Variants in SUGCT observed in about 807,000 individuals in gnomAD.
SUGCT encodes succinyl-CoA:glutarate-CoA transferase.
In SUGCT, 41 loss-of-function variants were observed where a neutral mutation model predicts 55.0. The observed-to-expected ratio is 0.74, with a 90% confidence interval of 0.58 to 0.97. The LOEUF is 0.97. SUGCT is among the 50% of genes least tolerant of loss of function. The pLI is 0.00. For synonymous variants in SUGCT, 187 were observed against 200.4 expected (o/e 0.93, Z 0.56); for missense variants, 568 against 547.8 (o/e 1.04, Z -0.37).
At chr7:40,458,549 A>G (rs1239550722) in intron 10 of SUGCT, among the ~76,000 whole-genome samples, 1 of 152,208 alleles carries the variant, frequency 6.6e-6, no homozygotes, top group Non-Finnish European at 1.5e-5. Context: ...GAATTTGGGT[A>G]AATGTATTTG....
chr7:40,496,991 T>C (rs1322666350), intron 12 of SUGCT, among the ~76,000 whole-genome samples: 1 of 152,178 alleles, frequency 6.6e-6, no homozygotes, highest in African/African-American at 2.4e-5. Context: ...CACCTGAAAA[T>C]ATATTTACTT....
At chr7:40,585,151 G>C (rs1476885708) in intron 12 of SUGCT, among the ~76,000 whole-genome samples, 2 of 152,138 alleles carry the variant, frequency 1.3e-5, no homozygotes, top group African/African-American at 2.4e-5. Context: ...AATTCTTAAT[G>C]AGCTCCCTTT....
intron 8 of SUGCT, among the ~76,000 whole-genome samples, chr7:40,308,316 G>A (rs1470370387): frequency 6.6e-6 from 1 of 152,082 alleles, no homozygotes; most frequent in Non-Finnish European, 1.5e-5. Flanking sequence ...ACCTGGGTTT[G>A]GGTCAGGATT....
intron 13 of SUGCT, among the ~76,000 whole-genome samples, chr7:40,805,052 C>T (rs1053597360): frequency 8.5e-5 from 13 of 152,250 alleles, no homozygotes; most frequent in African/African-American, 2.6e-4. Context: ...TATGTCTACA[C>T]GAAAGCACAC....
chr7:40,166,463 T>C (rs1211220239), intron 1 of SUGCT, among the ~76,000 whole-genome samples: 3 of 152,248 alleles, frequency 2.0e-5, no homozygotes, highest in Non-Finnish European at 4.4e-5. Flanking sequence ...ATTTACAAGT[T>C]TTTGTTTCAT....
intron 12 of SUGCT, among the ~76,000 whole-genome samples, chr7:40,606,490 G>T (rs1041238131): frequency 6.6e-6 from 1 of 152,312 alleles, no homozygotes; most frequent in East Asian, 1.9e-4. Context: ...TCTTTGTGTG[G>T]AATACAGGGG....
At chr7:40,213,199 A>G (rs1176977605) in intron 6 of SUGCT, among the ~76,000 whole-genome samples, 2 of 152,124 alleles carry the variant, frequency 1.3e-5, no homozygotes, top group Admixed American at 1.3e-4. Context: ...TTTTCCACTT[A>G]ATGTCCTTTT....
intron 12 of SUGCT, among the ~76,000 whole-genome samples, chr7:40,505,058 G>T (rs965136953): frequency 6.6e-6 from 1 of 152,078 alleles, no homozygotes; most frequent in Admixed American, 6.5e-5. Flanking sequence ...TTTGTATTCT[G>T]TTGGAATATT....
At chr7:40,135,543 C>T (rs1161700164) in intron 1 of SUGCT, among the ~76,000 whole-genome samples, 10 of 152,258 alleles carry the variant, frequency 6.6e-5, no homozygotes, top group Non-Finnish European at 1.5e-4. Flanking sequence ...TTACCTGTTG[C>T]AGAATTTTAT....
the SUGCT span, among the ~76,000 whole-genome samples, chr7:40,905,099 G>A: frequency 4.6e-5 from 7 of 152,160 alleles, no homozygotes; most frequent in Admixed American, 6.5e-5. Context: ...AGCATTTTCT[G>A]TGATGGAATC....
chr7:40,536,569 C>A (rs1794373889), intron 12 of SUGCT, among the ~76,000 whole-genome samples: 5 of 152,160 alleles, frequency 3.3e-5, no homozygotes, highest in Admixed American at 3.3e-4. Context: ...TAGGGCCAGG[C>A]AAGTAGTTAG....
At chr7:40,278,934 C>T (rs1435326201) in intron 8 of SUGCT, among the ~76,000 whole-genome samples, 2 of 151,814 alleles carry the variant, frequency 1.3e-5, no homozygotes, top group Non-Finnish European at 2.9e-5. Flanking sequence ...TCAAACAATC[C>T]TCCTTCCTCA....
intron 12 of SUGCT, among the ~76,000 whole-genome samples, chr7:40,640,903 G>T (rs973412266): frequency 6.6e-6 from 1 of 152,242 alleles, no homozygotes; most frequent in Non-Finnish European, 1.5e-5. Context: ...CTTGGACCTG[G>T]CTGGAAGCCA....
At chr7:40,885,947 G>A in the SUGCT span, among the ~76,000 whole-genome samples, 1 of 152,168 alleles carries the variant, frequency 6.6e-6, no homozygotes, top group South Asian at 2.1e-4. Flanking sequence ...ATGCTGTTGT[G>A]GATGGACCTT....
intron 12 of SUGCT, among the ~76,000 whole-genome samples, chr7:40,498,566 A>G (rs961248072): frequency 6.6e-6 from 1 of 152,168 alleles, no homozygotes; most frequent in Non-Finnish European, 1.5e-5. Context: ...ACCCTTGGTG[A>G]TCTGAGGGAA....
intron 12 of SUGCT, among the ~76,000 whole-genome samples, chr7:40,634,169 G>A (rs188628779): frequency 2.0e-5 from 3 of 152,278 alleles, no homozygotes; most frequent in East Asian, 3.9e-4. Flanking sequence ...GAGTTTCACT[G>A]ATAAAGCAGA....
intron 12 of SUGCT, among the ~76,000 whole-genome samples, chr7:40,526,531 T>C (rs1381189030): frequency 6.6e-6 from 1 of 152,204 alleles, no homozygotes; most frequent in African/African-American, 2.4e-5. Context: ...TTGGTCTTGG[T>C]TGGGGCTTGA....
intron 13 of SUGCT, among the ~76,000 whole-genome samples, chr7:40,843,624 G>A (rs1025462055): frequency 1.3e-5 from 2 of 152,080 alleles, no homozygotes; most frequent in African/African-American, 4.8e-5. Flanking sequence ...AGAGAAGAAT[G>A]GCTGGAGCAA....
intron 13 of SUGCT, among the ~76,000 whole-genome samples, chr7:40,846,700 AAGAATGGTAT>A (rs1382819025): frequency 6.6e-6 from 1 of 152,238 alleles, no homozygotes; most frequent in Non-Finnish European, 1.5e-5. Context: ...CCATCTGCTA[AAGAATGGTAT>A]TTATCCAGCC....
Sources: gnomAD v4.1 joint callset for allele counts (sites outside exome capture counted in the v4.1 genomes callset) on GRCh38, gnomAD v4.1.1 for gene constraint, MANE v1.5 for transcripts, NCBI Gene and HGNC (gene_info 2026-07-23, HGNC 2026-07-21) for gene names.